Variants in ARHGAP31 observed in about 807,000 individuals in gnomAD.
ARHGAP31 encodes rho GTPase-activating protein 31.
ARHGAP31 carries 34 observed loss-of-function variants against 113.9 expected under a neutral mutation model. The ratio of observed to expected loss-of-function variants is 0.30; its 90% confidence interval spans 0.23 to 0.40. The LOEUF (loss-of-function observed/expected upper bound fraction) is 0.40. Ranked by LOEUF, ARHGAP31 falls within the 10% of genes least tolerant of loss-of-function variation. The pLI, the probability that ARHGAP31 is intolerant of heterozygous loss-of-function variation, is 1.00. For synonymous variants in ARHGAP31, 650 were observed against 684.8 expected (o/e 0.95, Z 0.79); for missense variants, 1,548 against 1,767.1 (o/e 0.88, Z 2.22).
chr3:119,308,949 T>C (rs1388438707), intron 1 of ARHGAP31, among the ~76,000 whole-genome samples: 1 of 152,078 alleles, frequency 6.6e-6, no homozygotes, highest in Non-Finnish European at 1.5e-5. Flanking sequence ...CAAGTGATCC[T>C]CCCGCCTCAT....
intron 1 of ARHGAP31, among the ~76,000 whole-genome samples, chr3:119,307,248 T>C (rs542688828): frequency 2.2e-4 from 34 of 152,316 alleles, no homozygotes; most frequent in African/African-American, 7.9e-4. Flanking sequence ...AAAGTGGAGA[T>C]TATGATGATA....
In ARHGAP31 at chr3:119,294,717, T is replaced by TC; in HGVS notation, c.-187dup. Reference sequence around the variant, plus strand: ...CGGCCCCGGAGCGGCGCGGGGTGGATCTCAGGCTCTGCCGGCCCGCGGCCC... The same window carrying TC: ...CGGCCCCGGAGCGGCGCGGGGTGGATCCTCAGGCTCTGCCGGCCCGCGGCCC... On this transcript the variant is annotated 5_prime_UTR_variant, in exon 1 of 12. Coordinates refer to ENST00000264245, the MANE Select transcript of ARHGAP31 (RefSeq NM_020754.4). 1 of 642,268 alleles carries TC rather than the reference T, an allele frequency of 1.6e-6. No individual in the cohort carries two copies. The highest frequency in any genetic ancestry group is 1.8e-5 in the South Asian group (1 of 56,764). The allele number at this position is 642,268 out of a possible 1,614,324, so 39.8% of individuals were successfully genotyped here.
At chr3:119,376,024 T>C (rs548698372) in intron 3 of ARHGAP31, among the ~76,000 whole-genome samples, 13 of 152,302 alleles carry the variant, frequency 8.5e-5, no homozygotes, top group African/African-American at 3.1e-4. Context: ...CCCCAAATAA[T>C]GTCTTGACGC....
intron 8 of ARHGAP31, among the ~76,000 whole-genome samples, chr3:119,395,572 C>T (rs1327448204): frequency 6.6e-6 from 1 of 152,204 alleles, no homozygotes; most frequent in Non-Finnish European, 1.5e-5. Context: ...AAGAACATTT[C>T]TGGTAGCTTG....
intron 1 of ARHGAP31, among the ~76,000 whole-genome samples, chr3:119,340,252 C>G (rs1297240105): frequency 6.6e-6 from 1 of 152,170 alleles, no homozygotes; most frequent in African/African-American, 2.4e-5. Flanking sequence ...TTTGGCTGGG[C>G]CACACATTTA....
intron 11 of ARHGAP31, among the ~76,000 whole-genome samples, chr3:119,410,479 C>T (rs1238482843): frequency 6.6e-6 from 1 of 152,166 alleles, no homozygotes; most frequent in African/African-American, 2.4e-5. Context: ...TCAGGACGTG[C>T]ACAAAAGAAC....
chr3:119,396,381 A>G (rs1164353984), intron 8 of ARHGAP31, among the ~76,000 whole-genome samples: 1 of 152,234 alleles, frequency 6.6e-6, no homozygotes, highest in Non-Finnish European at 1.5e-5. Flanking sequence ...CTTATGAACA[A>G]ACTAATCAGA....
At chr3:119,368,246 A>T in intron 2 of ARHGAP31, 126 bp from the exon 3 acceptor site, 1 of 1,271,026 alleles carries the variant, frequency 7.9e-7, no homozygotes, top group Non-Finnish European at 1.1e-6. Flanking sequence ...GATCTTTTTG[A>T]ATTAAGGTCA....
chr3:119,388,691 G>C (rs1038438390), intron 6 of ARHGAP31, among the ~76,000 whole-genome samples: 24 of 152,182 alleles, frequency 1.6e-4, no homozygotes, highest in African/African-American at 5.6e-4. Flanking sequence ...GTCTATGGAA[G>C]GAGAGATGCA....
intron 8 of ARHGAP31, among the ~76,000 whole-genome samples, chr3:119,398,533 C>G (rs2080571415): frequency 6.6e-6 from 1 of 152,178 alleles, no homozygotes; most frequent in South Asian, 2.1e-4. Flanking sequence ...AATGCTATGC[C>G]TGGAATAAAT....
chr3:119,388,922 T>C (rs1041809757), intron 6 of ARHGAP31, among the ~76,000 whole-genome samples: 1 of 152,130 alleles, frequency 6.6e-6, no homozygotes, highest in Non-Finnish European at 1.5e-5. Flanking sequence ...TTTGGGAGGC[T>C]GAGGCGGGCA....
intron 8 of ARHGAP31, among the ~76,000 whole-genome samples, chr3:119,396,308 T>C (rs898972669): frequency 6.6e-6 from 1 of 152,162 alleles, no homozygotes; most frequent in Non-Finnish European, 1.5e-5. Flanking sequence ...TATTGGTAAT[T>C]TTCTAAAAGC....
Position 119,419,671 on chromosome 3 carries a change from A to C in ARHGAP31, c.*3407A>C, listed in dbSNP as rs1004858254. On this transcript the variant is annotated 3_prime_UTR_variant, in exon 12 of 12. Transcript: ENST00000264245. ...CAGAAGGGGAAAAAGTGTGGCAACA[A>C]GCATCTTTTAATAGGATAGTTGACG... 1.3e-5 allele frequency: 2 copies of C among 152,246 alleles called. No individual in the cohort carries two copies. The highest frequency in any genetic ancestry group is 2.9e-5 in the Non-Finnish European group (2 of 68,040). The allele number at this position is 152,246 out of a possible 1,614,324, so 9.4% of individuals were successfully genotyped here. A position where few individuals can be genotyped will look rare whatever the true frequency, so the allele number is the denominator to read the frequency against.
chr3:119,418,427 G>T lies in ARHGAP31; in HGVS notation c.*2163G>T, dbSNP rs1367247018. On this transcript the variant is annotated 3_prime_UTR_variant, in exon 12 of 12. Transcript: ENST00000264245. The stretch of plus-strand genomic sequence containing the variant: ...TCAGACAGGTTTTATGTCAGCCTCA[G>T]TGCTCCTGCGGTGTCGACGCTCTGA... The T allele has an allele frequency of 6.6e-6, 1 of 152,202 alleles. No homozygotes were observed. The highest frequency in any genetic ancestry group is 1.5e-5 in the Non-Finnish European group (1 of 68,044). 9.4% of individuals were successfully genotyped at this position (152,202 alleles called of 1,614,324 possible).
At chr3:119,339,985 C>T (rs1023253059) in intron 1 of ARHGAP31, among the ~76,000 whole-genome samples, 12 of 152,156 alleles carry the variant, frequency 7.9e-5, no homozygotes, top group African/African-American at 2.4e-4. Flanking sequence ...GTGAAACAAT[C>T]AGATATCGAG....
chr3:119,382,490 C>G, intron 5 of ARHGAP31, 91 bp downstream of exon 5: 2 of 1,279,888 alleles, frequency 1.6e-6, no homozygotes, highest in South Asian at 2.6e-5. Flanking sequence ...AATTGAAGCC[C>G]CTTTAAAACA....
intron 1 of ARHGAP31, among the ~76,000 whole-genome samples, chr3:119,308,697 C>T (rs182282819): frequency 6.6e-6 from 1 of 152,294 alleles, no homozygotes; most frequent in East Asian, 1.9e-4. Flanking sequence ...ATTCACAGGT[C>T]CCAGGGATTA....
rs766509111 is a variant in ARHGAP31 at position 119,337,797 on chromosome 3, T to C, written c.101-27519T>C. 5.3e-4 allele frequency among the ~76,000 whole-genome samples: 81 copies of C among 152,094 alleles called. 1 individual carries two copies. Among genetic ancestry groups the C allele is most frequent in the Non-Finnish European group, 9.0e-4 (61 of 68,034 alleles). ...ACCGGATTAGCTAGACACAGAGCAC[T>C]GATTGGTGTGTTTACAAACCTTTAG... On this transcript the variant is annotated intron_variant, in intron 1 of 11. Transcript: ENST00000264245.
chr3:119,358,811 G>A (rs1246612516), intron 1 of ARHGAP31, among the ~76,000 whole-genome samples: 2 of 152,120 alleles, frequency 1.3e-5, no homozygotes, highest in African/African-American at 4.8e-5. Context: ...AAAATAGAAC[G>A]TTGATTAGTG....
Sources: allele counts gnomAD v4.1 joint callset (sites outside exome capture counted in the v4.1 genomes callset), GRCh38; gene constraint gnomAD v4.1.1; transcripts MANE v1.5; gene names NCBI Gene and HGNC (gene_info 2026-07-23, HGNC 2026-07-21).